Variants in TENM2 observed in about 807,000 individuals in gnomAD.
The protein encoded by TENM2 is teneurin transmembrane protein 2, also known as teneurin-2.
A neutral mutation model predicts 245.2 loss-of-function variants in TENM2; 52 were observed. The observed-to-expected ratio is 0.21, with a 90% confidence interval of 0.17 to 0.27. TENM2 has a LOEUF of 0.27. TENM2 is among the 10% of genes least tolerant of loss of function. The pLI is 1.00. For synonymous variants in TENM2, 1,363 were observed against 1,438.9 expected (o/e 0.95, Z 1.19); for missense variants, 3,046 against 3,666.8 (o/e 0.83, Z 4.37).
At chr5:167,262,986 G>A in the TENM2 span, among the ~76,000 whole-genome samples, 3 of 152,090 alleles carry the variant, frequency 2.0e-5, no homozygotes, top group African/African-American at 7.2e-5. Context: ...TGGTTGAAGG[G>A]GCAAGCAGGC....
intron 2 of TENM2, among the ~76,000 whole-genome samples, chr5:167,814,512 G>T (rs10043694): frequency 6.6e-6 from 1 of 150,586 alleles, no homozygotes; most frequent in East Asian, 1.9e-4. Flanking sequence ...AGCAAAAAAG[G>T]ATAAAATTTT....
the TENM2 span, among the ~76,000 whole-genome samples, chr5:167,022,541 T>A: frequency 1.3e-5 from 2 of 152,338 alleles, no homozygotes; most frequent in Non-Finnish European, 2.9e-5. Context: ...TATTTTTATT[T>A]TCTAAATCTA....
At chr5:168,006,125 C>T (rs1292306659) in intron 5 of TENM2, among the ~76,000 whole-genome samples, 1 of 152,162 alleles carries the variant, frequency 6.6e-6, no homozygotes, top group Non-Finnish European at 1.5e-5. Flanking sequence ...CTTATGTTTC[C>T]ACTGGATGAT....
chr5:167,034,653 A>AG, the TENM2 span, among the ~76,000 whole-genome samples: 2 of 141,200 alleles, frequency 1.4e-5, no homozygotes, highest in Non-Finnish European at 3.1e-5. Context: ...AAAAAAAAAA[A>AG]GAAAATATTT....
chr5:167,894,473 C>T (rs1382581720), intron 3 of TENM2, among the ~76,000 whole-genome samples: 3 of 150,936 alleles, frequency 2.0e-5, no homozygotes, highest in Non-Finnish European at 4.4e-5. Context: ...TGTGACTAGA[C>T]TTCTTTGCAT....
intron 2 of TENM2, among the ~76,000 whole-genome samples, chr5:167,608,124 G>C (rs762722045): frequency 6.6e-6 from 1 of 152,070 alleles, no homozygotes; most frequent in African/African-American, 2.4e-5. Flanking sequence ...ACCCAATGTC[G>C]CGCTAATGCT....
intron 2 of TENM2, among the ~76,000 whole-genome samples, chr5:167,704,235 A>G (rs996055925): frequency 3.3e-5 from 5 of 152,178 alleles, no homozygotes; most frequent in African/African-American, 9.6e-5. Context: ...AGGCCACCCA[A>G]TCAGTCTTTT....
At chr5:167,484,124 A>C (rs1010807617) in intron 2 of TENM2, among the ~76,000 whole-genome samples, 2 of 152,180 alleles carry the variant, frequency 1.3e-5, no homozygotes, top group African/African-American at 4.8e-5. Context: ...AGGCAGGCAG[A>C]TCACAAGGTC....
rs754722265 is a variant in TENM2, at chr5:168,218,169, T to C, written c.4278T>C (p.Asp1426=). 92 of 1,613,712 alleles carry C rather than the reference T, an allele frequency of 5.7e-5. No individual in the cohort carries two copies. The highest frequency in any genetic ancestry group is 7.0e-5 in the Non-Finnish European group (83 of 1,179,822). The stretch of plus-strand genomic sequence containing the variant: ...CAGACCTTGCTGTCAATCCCATGGA[T>C]AACTCCTTGTATGTTCTAGAGAACA... The change falls in exon 23 of 29, where the codon GAT becomes GAC. Residue 1426 remains aspartate (D), a synonymous_variant. Coordinates refer to ENST00000518659, the Ensembl canonical transcript of TENM2. This position sits in a 1 kb window ranked among gnomAD's most constrained non-coding sequence, Gnocchi z 5.2.
chr5:167,348,811 A>T (rs2127834605), intron 1 of TENM2, among the ~76,000 whole-genome samples: 1 of 152,278 alleles, frequency 6.6e-6, no homozygotes, highest in Non-Finnish European at 1.5e-5. Context: ...CGTTACAATA[A>T]TACTGCCTTC....
chr5:167,580,693 A>G (rs1291849200), intron 2 of TENM2, among the ~76,000 whole-genome samples: 1 of 152,256 alleles, frequency 6.6e-6, no homozygotes, highest in Non-Finnish European at 1.5e-5. Flanking sequence ...ATATTACTAC[A>G]GAATCAAAAC....
At chr5:167,889,140 G>A (rs544448147) in intron 3 of TENM2, among the ~76,000 whole-genome samples, 1 of 152,192 alleles carries the variant, frequency 6.6e-6, no homozygotes, top group African/African-American at 2.4e-5. Flanking sequence ...ACTGATGATA[G>A]AGCACCTTTT....
intron 3 of TENM2, among the ~76,000 whole-genome samples, chr5:167,941,699 A>C (rs931941149): frequency 1.3e-5 from 2 of 151,702 alleles, no homozygotes; most frequent in African/African-American, 4.8e-5. Flanking sequence ...AAAAAAAAAA[A>C]AAAAATTAGC....
chr5:168,175,447 C>T (rs959345876), intron 13 of TENM2, among the ~76,000 whole-genome samples: 4 of 152,166 alleles, frequency 2.6e-5, no homozygotes, highest in African/African-American at 4.8e-5. Flanking sequence ...GGTCATGAAC[C>T]GGTGACCCCC....
chr5:167,562,306 A>G (rs748927257), intron 2 of TENM2, among the ~76,000 whole-genome samples: 5 of 151,498 alleles, frequency 3.3e-5, no homozygotes, highest in Admixed American at 1.3e-4. Flanking sequence ...TTGGGCAAAG[A>G]GGCATTTTTT....
exon 27 of TENM2, chr5:168,248,208 C>T (rs374403862): frequency 6.2e-7 from 1 of 1,613,906 alleles, no homozygotes; most frequent in Non-Finnish European, 8.5e-7. Flanking sequence ...CCAAGCTGGT[C>T]CACTTCACTC....
intron 2 of TENM2, among the ~76,000 whole-genome samples, chr5:167,670,665 A>G (rs1283179274): frequency 1.3e-5 from 2 of 152,170 alleles, no homozygotes; most frequent in Admixed American, 6.6e-5. Context: ...ATGCACGTTC[A>G]CAGTGAGCCT....
intron 13 of TENM2, among the ~76,000 whole-genome samples, chr5:168,178,346 A>G (rs1759538397): frequency 6.6e-6 from 1 of 152,208 alleles, no homozygotes; most frequent in South Asian, 2.1e-4. Context: ...TAGACCAGGC[A>G]GCGAGAGGCC....
the TENM2 span, among the ~76,000 whole-genome samples, chr5:167,064,514 G>A: frequency 2.0e-5 from 3 of 152,146 alleles, no homozygotes; most frequent in Admixed American, 6.5e-5. Flanking sequence ...GGAAGGAAAA[G>A]CAGATGATAT....
Sources: gnomAD v4.1 joint callset for allele counts (sites outside exome capture counted in the v4.1 genomes callset) on GRCh38, gnomAD v4.1.1 for gene constraint, Gnocchi (gnomAD v3.1) non-coding constraint, MANE v1.5 for transcripts, NCBI Gene and HGNC (gene_info 2026-07-23, HGNC 2026-07-21) for gene names.